C9orf72: variants seen among roughly 807,000 people sequenced by gnomAD.
The protein encoded by C9orf72 is guanine nucleotide exchange factor C9orf72.
Under a neutral mutation model 51.6 loss-of-function variants are expected in C9orf72, and 44 were observed. The observed-to-expected ratio is 0.85, with a 90% confidence interval of 0.67 to 1.10. C9orf72 has a LOEUF of 1.10. C9orf72 is among the 50% of genes least tolerant of loss of function. C9orf72 has a pLI of 0.00. For synonymous variants in C9orf72, 213 were observed against 194.2 expected, an observed-to-expected ratio of 1.10 and a Z score of -0.81; for missense variants, 607 against 570.6, an observed-to-expected ratio of 1.06 and a Z score of -0.65.
At chr9:27,571,271 T>A (rs1432946454) in intron 1 of C9orf72, 3 of 152,152 alleles carry the variant, frequency 2.0e-5, no homozygotes, top group African/African-American at 7.2e-5. Flanking sequence ...CTGGAAATAA[T>A]CCCATACATG....
Position 27,548,102 on chromosome 9 carries a change from T to C in C9orf72, c.*134A>G. ...CCCTCACAGGCTCTTGTGAGAACTGTAGTGTAACTTACTTAACTGCAATTG... is the reference window on the plus strand; with the variant it reads ...CCCTCACAGGCTCTTGTGAGAACTGCAGTGTAACTTACTTAACTGCAATTG... On this transcript the variant is annotated 3_prime_UTR_variant, in exon 11 of 11. Transcript: ENST00000380003. 2 of 575,786 alleles carry C rather than the reference T, an allele frequency of 3.5e-6. No individual in the cohort carries two copies. Among genetic ancestry groups the C allele is most frequent in the South Asian group, 2.8e-5 (1 of 35,488 alleles). The allele number at this position is 575,786 out of a possible 1,614,324, so 35.7% of individuals were successfully genotyped here.
intron 1 of C9orf72, among the ~76,000 whole-genome samples, chr9:27,572,263 C>T (rs1232696270): frequency 6.6e-6 from 1 of 152,144 alleles, no homozygotes; most frequent in African/African-American, 2.4e-5. Context: ...GTAGCAGTTT[C>T]CAACTGATTC....
At chr9:27,550,189 T>TAC (rs933851124) in intron 9 of C9orf72, among the ~76,000 whole-genome samples, 2 of 150,740 alleles carry the variant, frequency 1.3e-5, no homozygotes, top group African/African-American at 4.9e-5. Context: ...TATATATATA[T>TAC]ACACACACAA....
chr9:27,563,346 A>G (rs911995113), intron 3 of C9orf72, among the ~76,000 whole-genome samples: 2 of 152,210 alleles, frequency 1.3e-5, no homozygotes, highest in Admixed American at 1.3e-4. Context: ...TCACAAATGT[A>G]AAGTGTCTCA....
Position 27,547,255 on chromosome 9 carries a change from G to C in C9orf72, c.*981C>G, listed in dbSNP as rs1050563653. On this transcript the variant is annotated 3_prime_UTR_variant, in exon 11 of 11. Transcript: ENST00000380003. ...GGAAGTACTCAAGGAACTATTTTCT[G>C]TTTCTGAAAAAAAGATCTTATTAGT... 3.9e-5 allele frequency: 6 copies of C among 152,500 alleles called. No individual in the cohort carries two copies. Among genetic ancestry groups the C allele is most frequent in the African/African-American group, 1.4e-4 (6 of 41,438 alleles). 9.4% of individuals were successfully genotyped at this position (152,500 alleles called of 1,614,324 possible).
rs1048628839 is a variant in C9orf72 at position 27,560,622 on chromosome 9, G to A, written c.666-323C>T. The A allele has an allele frequency of 3.0e-6, 3 of 1,013,616 alleles. No individual in the cohort carries two copies. The African/African-American group carries it at 5.2e-5, about 18-fold the overall frequency. The allele number at this position is 1,013,616 out of a possible 1,614,324, so 62.8% of individuals were successfully genotyped here. A position where few individuals can be genotyped will look rare whatever the true frequency, so the allele number is the denominator to read the frequency against. ...AGAGAGATTAAGTGACTTACTTAAAGTCAAATGGGATTTAAAATGATGTAT... is the reference window on the plus strand; with the variant it reads ...AGAGAGATTAAGTGACTTACTTAAAATCAAATGGGATTTAAAATGATGTAT... On this transcript the variant is annotated intron_variant, in intron 5 of 10. Coordinates refer to ENST00000380003, the MANE Select transcript of C9orf72 (RefSeq NM_018325.5).
rs111291984 is a variant in C9orf72, at chr9:27,561,280, A to G, written c.665+305T>C. 131 of 1,138,126 alleles carry G rather than the reference A, an allele frequency of 1.2e-4. No homozygotes were observed. The African/African-American group carries it at 1.9e-3, about 17-fold the overall frequency. The allele number at this position is 1,138,126 out of a possible 1,614,324, so 70.5% of individuals were successfully genotyped here. ...TTAAGTTCATCTACAGTACAACTTA[A>G]TATGAAAGGATTCTGTTAGCTTTAA... On this transcript the variant is annotated intron_variant, in intron 5 of 10. Transcript: ENST00000380003.
Position 27,558,437 on chromosome 9 carries a change from T to A in C9orf72, c.855+54A>T, listed in dbSNP as rs1819261146. On this transcript the variant is annotated intron_variant, in intron 7 of 10. Coordinates refer to ENST00000380003, the MANE Select transcript of C9orf72 (RefSeq NM_018325.5). ...ATATTTAAGATTTGTCTATAAAGAGTCTCAAAAATGATTTTAGAAAAGTGG... is the reference window on the plus strand; with the variant it reads ...ATATTTAAGATTTGTCTATAAAGAGACTCAAAAATGATTTTAGAAAAGTGG... 7 of 922,380 alleles carry A rather than the reference T, an allele frequency of 7.6e-6. No homozygotes were observed. The Admixed American group carries it at 8.1e-5, about 11-fold the overall frequency. 57.1% of individuals were successfully genotyped at this position (922,380 alleles called of 1,614,324 possible). A position where few individuals can be genotyped will look rare whatever the true frequency, so the allele number is the denominator to read the frequency against.
intron 6 of C9orf72, chr9:27,559,907 T>C (rs1041923163): frequency 6.2e-6 from 1 of 160,904 alleles, no homozygotes; most frequent in Admixed American, 6.3e-5. Flanking sequence ...TACATGACTA[T>C]CTTCAGATTT....
At chr9:27,565,430 G>T in intron 3 of C9orf72, 101 bp downstream of exon 3, 2 of 678,712 alleles carry the variant, frequency 2.9e-6, no homozygotes, top group Non-Finnish European at 5.0e-6. Context: ...TCCATTAAAG[G>T]CTTATTCGTA....
At chr9:27,568,555 T>C (rs1195747327) in intron 1 of C9orf72, among the ~76,000 whole-genome samples, 34 of 151,578 alleles carry the variant, frequency 2.2e-4, no homozygotes, top group Admixed American at 1.8e-3. Flanking sequence ...GTAAAACAAA[T>C]CATTCTTGCA....
Position 27,548,003 on chromosome 9 carries a change from G to T in C9orf72, c.*233C>A. 3.1e-6 allele frequency: 1 copy of T among 325,800 alleles called. No individual in the cohort carries two copies. The highest frequency in any genetic ancestry group is 4.6e-5 in the Admixed American group (1 of 21,570). 20.2% of individuals were successfully genotyped at this position (325,800 alleles called of 1,614,324 possible). The stretch of plus-strand genomic sequence containing the variant: ...AGATAGCAATAATATTTATTATATT[G>T]TAAACATAGGTCTGTATCCCAAAAG... On this transcript the variant is annotated 3_prime_UTR_variant, in exon 11 of 11. Transcript: ENST00000380003.
Position 27,565,530 on chromosome 9 carries a change from C to T in C9orf72, c.504+1G>A. On this transcript the variant is annotated splice_donor_variant, in intron 3 of 10. Transcript: ENST00000380003. LOFTEE classifies it high-confidence loss of function. ...TTTGACAGTATGCAATTTGCATATA[C>T]CTGATCTTCCATTCTCTCTGTGCCT... The T allele has an allele frequency of 6.3e-7, 1 of 1,591,162 alleles. No homozygotes were observed. Among genetic ancestry groups the T allele is most frequent in the Non-Finnish European group, 8.6e-7 (1 of 1,160,988 alleles).
chr9:27,549,349 G>A (rs762854742), intron 9 of C9orf72, among the ~76,000 whole-genome samples: 18 of 151,922 alleles, frequency 1.2e-4, no homozygotes, highest in Non-Finnish European at 2.2e-4. Flanking sequence ...TCATATACCT[G>A]TACTTTTGCA....
At position 27,550,715 on chromosome 9, in the gene C9orf72, A is replaced by C. The variant is rs1327241202; in HGVS notation, c.1092-8T>G. On this transcript the variant is annotated splice_polypyrimidine_tract_variant and splice_region_variant and intron_variant, in intron 8 of 10. Transcript: ENST00000380003. ...ACATCTTGAAAAATATTCCTGAAGA[A>C]AAGAAGAAAATGAAGAAAAGAAAAA... 6 of 1,557,724 alleles carry C rather than the reference A, an allele frequency of 3.9e-6. No homozygotes were observed. Among genetic ancestry groups the C allele is most frequent in the Non-Finnish European group, 5.3e-6 (6 of 1,140,062 alleles).
chr9:27,567,940 T>A (rs1446628252), intron 1 of C9orf72, among the ~76,000 whole-genome samples: 1 of 152,108 alleles, frequency 6.6e-6, no homozygotes, highest in African/African-American at 2.4e-5. Context: ...CTGTCAACAC[T>A]TTGATTTCGG....
At position 27,561,597 on chromosome 9, in the gene C9orf72, C is replaced by T; in HGVS notation, c.653G>A (p.Gly218Asp). ...DDDIGDSCHE[G>D]FLLNAISSHL... ...GAAAAATTCTTACTTGAGAAGAAAG[C>T]CTTCATGACAGCTGTCACCAATATC... Residue 218 changes from glycine (G) to aspartate (D), a missense_variant, in exon 5 of 11, where the codon GGC becomes GAC. Coordinates refer to ENST00000380003, the MANE Select transcript of C9orf72 (RefSeq NM_018325.5). 2 of 1,612,252 alleles carry T rather than the reference C, an allele frequency of 1.2e-6. No homozygotes were observed. The highest frequency in any genetic ancestry group is 1.7e-6 in the Non-Finnish European group (2 of 1,179,020).
Position 27,566,783 on chromosome 9 carries a change from G to A in C9orf72, c.338C>T (p.Ser113Leu), listed in dbSNP as rs922724756. ...AAGTTCTGTCTGTGGAAGTATAATT[G>A]ATAGTCCATATGTGCTGCGATCCCC... is the stretch of plus-strand genomic sequence containing the variant. ...WNGDRSTYGL[S>L]IILPQTELSF... is the part of the protein sequence containing the mutation. Residue 113 changes from serine (S) to leucine (L), a missense_variant, in exon 2 of 11, where the codon TCA (serine) becomes TTA (leucine). Coordinates refer to ENST00000380003, the MANE Select transcript of C9orf72 (RefSeq NM_018325.5). 2 of 1,613,564 alleles carry A rather than the reference G, an allele frequency of 1.2e-6. No individual in the cohort carries two copies. The highest frequency in any genetic ancestry group is 1.7e-6 in the Non-Finnish European group (2 of 1,179,570).
chr9:27,553,169 T>C (rs182854977), intron 8 of C9orf72, among the ~76,000 whole-genome samples: 1 of 152,316 alleles, frequency 6.6e-6, no homozygotes. Context: ...GATTCAATGC[T>C]ATTCCTATAA....
Sources: allele counts gnomAD v4.1 joint callset (sites outside exome capture counted in the v4.1 genomes callset), GRCh38; gene constraint gnomAD v4.1.1; transcripts MANE v1.5; gene names NCBI Gene and HGNC (gene_info 2026-07-23, HGNC 2026-07-21).